The following DHRS2 variants were observed in gnomAD, a reference collection of about 807,000 sequenced individuals.
The protein encoded by DHRS2 is dehydrogenase/reductase SDR family member 2, mitochondrial.
DHRS2 carries 29 observed loss-of-function variants against 26.3 expected under a neutral mutation model. The observed-to-expected ratio is 1.10, with a 90% CI of 0.82 to 1.50. The LOEUF is 1.50. DHRS2 is among the 40% of genes most tolerant of loss of function. DHRS2 has a pLI of 0.00. For synonymous variants in DHRS2, 164 were observed against 151.3 expected (o/e 1.08, Z -0.62); for missense variants, 439 against 367.1 (o/e 1.20, Z -1.60).
chr14:23,631,629 G>A (rs1464143170), upstream of DHRS2, among the ~76,000 whole-genome samples: 3 of 151,812 alleles, frequency 2.0e-5, no homozygotes, highest in African/African-American at 7.3e-5. Context: ...GATGGGACTA[G>A]GTTAAGGGTG....
chr14:23,639,685 C>A, intron 3 of DHRS2, 109 bp from the exon 4 acceptor site: 1 of 1,245,572 alleles, frequency 8.0e-7, no homozygotes, highest in Non-Finnish European at 1.1e-6. Context: ...AGGTCATTTT[C>A]CTTTAGGAGC....
In DHRS2 at chr14:23,644,475, C is replaced by T. The variant is rs766758437; in HGVS notation, c.607C>T (p.Leu203=). Residue 203 remains leucine, a synonymous_variant, in exon 7 of 9, where the codon CTG becomes TTG. Coordinates refer to ENST00000250383, the MANE Select transcript of DHRS2 (RefSeq NM_005794.4). ...LGLTRTLALE[L]APKDIRVNCV... ...TCTCACTAGAACACTGGCATTGGAG[C>T]TGGCCCCCAAGGACATCCGGGTAAA... 1.2e-6 allele frequency: 2 copies of T among 1,614,240 alleles called. No homozygotes were observed. The highest frequency in any genetic ancestry group is 2.2e-5 in the South Asian group (2 of 91,082).
At chr14:23,641,726 A>G (rs1890680642) in intron 4 of DHRS2, 1 of 1,289,830 alleles carries the variant, frequency 7.8e-7, no homozygotes, top group South Asian at 1.2e-5. Flanking sequence ...ATTGGGGGTC[A>G]TCCCCCACAC....
At chr14:23,641,951 A>T in intron 4 of DHRS2, 1 of 1,158,872 alleles carries the variant, frequency 8.6e-7, no homozygotes, top group Non-Finnish European at 1.1e-6. Context: ...GTGCCATGTC[A>T]GTCCCACCTG....
intron 6 of DHRS2, 33 bp from the exon 7 acceptor site, chr14:23,644,376 A>G (rs1290828358): frequency 6.2e-7 from 1 of 1,613,490 alleles, no homozygotes. Flanking sequence ...CCACTCTCCC[A>G]TATCCTAATC....
chr14:23,643,387 A>C, intron 5 of DHRS2, 168 bp downstream of exon 5: 1 of 636,176 alleles, frequency 1.6e-6, no homozygotes. Context: ...GCCATTCCCA[A>C]TTCCAGTGGC....
chr14:23,639,403 AC>A, intron 3 of DHRS2, 47 bp downstream of exon 3: 1 of 1,519,728 alleles, frequency 6.6e-7, no homozygotes, highest in Non-Finnish European at 8.8e-7. Context: ...AACATGCAGA[AC>A]CTTTCCTTCA....
In DHRS2 at chr14:23,644,300, T is replaced by A. The variant is rs1890784992; in HGVS notation, c.541-109T>A. On this transcript the variant is annotated intron_variant, in intron 6 of 8. Transcript: ENST00000250383. ...CTGCCCTGGGCTGAGCTTGTCTCCA[T>A]GTGGGTGGGAGGGCTGCTGGGCCTG... 4 of 1,559,976 alleles carry A rather than the reference T, an allele frequency of 2.6e-6. No homozygotes were observed. In the African/African-American group the frequency reaches 5.4e-5, roughly 21 times the overall value.
chr14:23,635,503 G>A (rs1197128033), upstream of DHRS2, among the ~76,000 whole-genome samples: 1 of 152,250 alleles, frequency 6.6e-6, no homozygotes, highest in African/African-American at 2.4e-5. Context: ...TCCCTCTACA[G>A]AGTCAGAGAT....
At chr14:23,632,682 G>C (rs10146603), upstream of DHRS2, among the ~76,000 whole-genome samples, 14,482 of 152,218 alleles carry the variant, frequency 0.095, 2,395 homozygotes, top group African/African-American at 0.33. Context: ...TAAGGAACAA[G>C]GGGAGATGCA....
rs747248253 is a variant in DHRS2 at position 23,639,224 on chromosome 14, C to T, written c.186C>T (p.His62=). 2.1e-5 allele frequency: 34 copies of T among 1,613,754 alleles called. No homozygotes were observed. Among genetic ancestry groups the T allele is most frequent in the South Asian group, 5.5e-5 (5 of 91,052 alleles). ...IARRLARDGA[H]VVISSRKQQN... is the part of the protein sequence containing the mutation. ...GACGTCTGGCCCGGGACGGGGCCCACGTGGTCATCAGCAGCCGGAAGCAGC... is the reference window on the plus strand; with the variant it reads ...GACGTCTGGCCCGGGACGGGGCCCATGTGGTCATCAGCAGCCGGAAGCAGC... Residue 62 remains histidine (H), a synonymous_variant, in exon 3 of 9, where the codon CAC becomes CAT. Transcript: ENST00000250383.
chr14:23,644,251 G>A (rs1185846376), intron 6 of DHRS2, 89 bp downstream of exon 6: 1 of 1,569,210 alleles, frequency 6.4e-7, no homozygotes, highest in African/African-American at 1.4e-5. Context: ...AAAGTGCCTG[G>A]GACAGACCCC....
chr14:23,644,392 G>A lies in DHRS2; in HGVS notation c.541-17G>A, dbSNP rs1043986311. The A allele has an allele frequency of 6.2e-7, 1 of 1,613,804 alleles. No homozygotes were observed. Among genetic ancestry groups the A allele is most frequent in the African/African-American group, 1.3e-5 (1 of 74,910 alleles). On this transcript the variant is annotated splice_polypyrimidine_tract_variant and intron_variant, in intron 6 of 8. Coordinates refer to ENST00000250383, the MANE Select transcript of DHRS2 (RefSeq NM_005794.4). ...CACTCTCCCATATCCTAATCACTCT[G>A]TCAATTCCCTTCCCAGGCGCTGGGT...
chr14:23,631,033 G>C (rs933957210), intron 1 of DHRS2, among the ~76,000 whole-genome samples: 1 of 152,184 alleles, frequency 6.6e-6, no homozygotes, highest in East Asian at 1.9e-4. Context: ...CAGACTCTTA[G>C]TTAAATCTCT....
intron 4 of DHRS2, chr14:23,641,278 C>T (rs1483904793): frequency 1.1e-5 from 2 of 174,030 alleles, no homozygotes; most frequent in Non-Finnish European, 2.5e-5. Context: ...AGTTTTGAGG[C>T]CATCTCCAGG....
At position 23,645,301 on chromosome 14, in the gene DHRS2, G is replaced by A. The variant is rs1029690493; in HGVS notation, c.*48G>A. 9.3e-6 allele frequency: 15 copies of A among 1,612,874 alleles called. No individual in the cohort carries two copies. The highest frequency in any genetic ancestry group is 1.3e-5 in the Non-Finnish European group (15 of 1,180,018). Reference sequence around the variant, plus strand: ...GCTGTGGTCCCAGGCCCAGGAGCCTGAGGGGGTGTCTAGGTGATCATTTGG... The same window carrying A: ...GCTGTGGTCCCAGGCCCAGGAGCCTAAGGGGGTGTCTAGGTGATCATTTGG... On this transcript the variant is annotated 3_prime_UTR_variant, in exon 9 of 9. Transcript: ENST00000250383.
intron 4 of DHRS2, chr14:23,641,959 C>T: frequency 1.7e-6 from 2 of 1,155,156 alleles, no homozygotes; most frequent in Non-Finnish European, 2.2e-6. Flanking sequence ...TCAGTCCCAC[C>T]TGGCACTGCC....
At position 23,638,893 on chromosome 14, in the gene DHRS2, A is replaced by G; in HGVS notation, c.29A>G (p.Gln10Arg). 6.2e-7 allele frequency: 1 copy of G among 1,614,136 alleles called. No individual in the cohort carries two copies. MLSAVARGYQGWFHPCARLS... is the reference protein window; with the variant it reads MLSAVARGYRGWFHPCARLS... ...CTGTCAGCAGTTGCCCGGGGCTACC[A>G]GGGCTGGTTTCATCCCTGTGCTAGG... The change falls in exon 2 of 9, where the codon CAG (glutamine) becomes CGG (arginine). Residue 10 changes from glutamine to arginine, a missense_variant. Transcript: ENST00000250383.
chr14:23,642,657 C>T (rs1890714118), intron 4 of DHRS2: 1 of 156,912 alleles, frequency 6.4e-6, no homozygotes, highest in East Asian at 1.9e-4. Context: ...GCTTCAAACT[C>T]CTGGGCTTAA....
Sources: allele counts gnomAD v4.1 joint callset (sites outside exome capture counted in the v4.1 genomes callset), GRCh38; gene constraint gnomAD v4.1.1; transcripts MANE v1.5; gene names NCBI Gene and HGNC (gene_info 2026-07-23, HGNC 2026-07-21).